Variants in ROBO1 observed in about 807,000 individuals in gnomAD.
ROBO1 encodes the protein roundabout homolog 1.
A neutral mutation model predicts 195.9 loss-of-function variants in ROBO1; 149 were observed. The ratio of observed to expected loss-of-function variants is 0.76; its 90% CI spans 0.67 to 0.87. ROBO1 has a LOEUF of 0.87. ROBO1 is among the 40% of genes least tolerant of loss of function. The pLI is 0.00. For missense variants in ROBO1, 1,933 were observed against 2,068.3 expected (o/e 0.93, Z 1.27); for synonymous variants, 816 against 733.2 (o/e 1.11, Z -1.82).
chr3:78,913,633 A>G, intron 4 of ROBO1, among the ~76,000 whole-genome samples: 1 of 152,144 alleles, frequency 6.6e-6, no homozygotes, highest in Non-Finnish European at 1.5e-5. Context: ...ATGTTTGCAG[A>G]TGTATTAATA....
At chr3:79,724,763 C>A (rs1450579661) in intron 1 of ROBO1, among the ~76,000 whole-genome samples, 2 of 152,190 alleles carry the variant, frequency 1.3e-5, no homozygotes, top group African/African-American at 4.8e-5. Flanking sequence ...TCCTGACTCA[C>A]AGAAAGTGTG....
intron 4 of ROBO1, among the ~76,000 whole-genome samples, chr3:78,771,679 T>G (rs191360515): frequency 6.6e-6 from 1 of 152,280 alleles, no homozygotes; most frequent in East Asian, 1.9e-4. Context: ...GAGACTGCAT[T>G]ATTCATTTGG....
chr3:79,043,099 CAG>C (rs1466765593), intron 3 of ROBO1, among the ~76,000 whole-genome samples: 1 of 151,910 alleles, frequency 6.6e-6, no homozygotes, highest in Non-Finnish European at 1.5e-5. Context: ...CATTTTATAA[CAG>C]ATTTAAAGAA....
intron 3 of ROBO1, among the ~76,000 whole-genome samples, chr3:79,109,696 A>G (rs1576684021): frequency 1.3e-5 from 2 of 152,112 alleles, no homozygotes; most frequent in African/African-American, 4.8e-5. Context: ...ATTAGAACTA[A>G]CCGAATAGCA....
At chr3:78,817,368 C>A (rs949208143) in intron 4 of ROBO1, among the ~76,000 whole-genome samples, 1 of 151,724 alleles carries the variant, frequency 6.6e-6, no homozygotes, top group Non-Finnish European at 1.5e-5. Flanking sequence ...GATAACAGTT[C>A]GGAACACATG....
At chr3:79,207,749 A>G (rs2081895834) in intron 2 of ROBO1, among the ~76,000 whole-genome samples, 1 of 151,616 alleles carries the variant, frequency 6.6e-6, no homozygotes, top group Non-Finnish European at 1.5e-5. Context: ...TTTTACATGG[A>G]GAGTCATATA....
intron 4 of ROBO1, among the ~76,000 whole-genome samples, chr3:78,834,054 A>T (rs1489392185): frequency 6.6e-6 from 1 of 152,148 alleles, no homozygotes; most frequent in South Asian, 2.1e-4. Flanking sequence ...TTCAAAATAA[A>T]GTACGGAGAT....
At chr3:78,944,687 C>T (rs1576443349) in intron 3 of ROBO1, among the ~76,000 whole-genome samples, 1 of 152,202 alleles carries the variant, frequency 6.6e-6, no homozygotes. Context: ...GTGCAGCGCA[C>T]CGTGTGCGAG....
At chr3:79,283,769 C>T (rs2031686548) in intron 2 of ROBO1, among the ~76,000 whole-genome samples, 1 of 150,840 alleles carries the variant, frequency 6.6e-6, no homozygotes, top group Non-Finnish European at 1.5e-5. Context: ...GCGATCTCCG[C>T]TCACTGCAAG....
intron 2 of ROBO1, among the ~76,000 whole-genome samples, chr3:79,147,805 A>C (rs1384376414): frequency 6.6e-6 from 1 of 151,924 alleles, no homozygotes; most frequent in Non-Finnish European, 1.5e-5. Context: ...GATGCACTTA[A>C]ATTTTTTTAT....
chr3:79,262,744 T>C (rs1271124740), intron 2 of ROBO1, among the ~76,000 whole-genome samples: 1 of 152,114 alleles, frequency 6.6e-6, no homozygotes, highest in Non-Finnish European at 1.5e-5. Flanking sequence ...ATCATATGTA[T>C]TTTATATTTA....
intron 25 of ROBO1, 120 bp downstream of exon 25, chr3:78,631,041 G>C: frequency 1.9e-6 from 2 of 1,079,126 alleles, no homozygotes; most frequent in Non-Finnish European, 2.6e-6. Flanking sequence ...TTTATTTAAA[G>C]GCAACTGTTT....
intron 2 of ROBO1, among the ~76,000 whole-genome samples, chr3:79,171,473 T>G (rs994599141): frequency 3.3e-5 from 5 of 150,516 alleles, no homozygotes; most frequent in African/African-American, 1.2e-4. Flanking sequence ...TTTGTTGATA[T>G]TCTAGATTTA....
intron 2 of ROBO1, among the ~76,000 whole-genome samples, chr3:79,206,331 C>G (rs1205684044): frequency 1.3e-5 from 2 of 152,216 alleles, no homozygotes; most frequent in South Asian, 4.1e-4. Context: ...GTAATAGTCT[C>G]AAAGCACAAG....
chr3:78,630,895 A>G (rs1420881834), intron 25 of ROBO1, among the ~76,000 whole-genome samples: 1 of 152,206 alleles, frequency 6.6e-6, no homozygotes, highest in Admixed American at 6.5e-5. Flanking sequence ...TTACGTATAC[A>G]CACACAGGAT....
At chr3:79,019,541 C>T in intron 3 of ROBO1, 1 of 985,924 alleles carries the variant, frequency 1.0e-6, no homozygotes, top group Non-Finnish European at 1.2e-6. Context: ...AAAGGGGCCG[C>T]GTGGTCCTTT....
intron 4 of ROBO1, among the ~76,000 whole-genome samples, chr3:78,913,683 AT>A: frequency 6.6e-6 from 1 of 151,900 alleles, no homozygotes. Context: ...GAAACATTTT[AT>A]TTTTTTTCAA....
At chr3:78,693,468 G>T (rs2081220443) in intron 8 of ROBO1, 1 of 799,360 alleles carries the variant, frequency 1.3e-6, no homozygotes, top group Non-Finnish European at 2.0e-6. Flanking sequence ...TTAAGATAAA[G>T]AACATGTTAA....
At chr3:79,231,021 C>T (rs575306243) in intron 2 of ROBO1, among the ~76,000 whole-genome samples, 94 of 152,066 alleles carry the variant, frequency 6.2e-4, no homozygotes, top group Middle Eastern at 3.4e-3. Flanking sequence ...AGCTGTATGC[C>T]GAAGACTGAA....
Sources: allele counts gnomAD v4.1 joint callset (sites outside exome capture counted in the v4.1 genomes callset), GRCh38; gene constraint gnomAD v4.1.1; transcripts MANE v1.5; gene names NCBI Gene and HGNC (gene_info 2026-07-23, HGNC 2026-07-21).